Variants in RHOBTB1 observed in about 807,000 individuals in gnomAD.
RHOBTB1 encodes the protein Rho related BTB domain containing 1.
Under a neutral mutation model 71.6 loss-of-function variants are expected in RHOBTB1, and 40 were observed. The observed-to-expected ratio is 0.56, with a 90% CI of 0.43 to 0.73. RHOBTB1 has a LOEUF of 0.73. RHOBTB1 is among the 30% of genes least tolerant of loss of function. The pLI is 0.00. For synonymous variants in RHOBTB1, 319 were observed against 334.9 expected, an observed-to-expected ratio of 0.95 and a Z score of 0.52; for missense variants, 797 against 894.0, an observed-to-expected ratio of 0.89 and a Z score of 1.38.
rs1260508766 is a variant in RHOBTB1 at position 60,884,989 on chromosome 10, G to C, written c.1575+1123C>G. ...GGTGGAGTACAGTGGCACAATCATA[G>C]CTCACTGTAGCTTTGAACTCCTGGG... On this transcript the variant is annotated intron_variant, in intron 7 of 10. Transcript: ENST00000337910. Among the ~76,000 whole-genome samples, 21 of 151,988 alleles carry C rather than the reference G, an allele frequency of 1.4e-4. No homozygotes were observed. The East Asian group carries it at 4.1e-3, about 30-fold the overall frequency.
chr10:60,879,060 G>A (rs1175623512), intron 7 of RHOBTB1, among the ~76,000 whole-genome samples: 6 of 152,198 alleles, frequency 3.9e-5, no homozygotes, highest in Admixed American at 1.3e-4. Flanking sequence ...GCCCTAGAGA[G>A]AAGGGACTTA....
chr10:60,972,231 A>G (rs1248863738), intron 2 of RHOBTB1, among the ~76,000 whole-genome samples: 1 of 152,078 alleles, frequency 6.6e-6, no homozygotes, highest in African/African-American at 2.4e-5. Context: ...TATAGACACA[A>G]GCACATGTAT....
intron 4 of RHOBTB1, among the ~76,000 whole-genome samples, chr10:60,902,464 C>G (rs2082456655): frequency 1.3e-5 from 2 of 152,098 alleles, no homozygotes; most frequent in South Asian, 4.1e-4. Flanking sequence ...TTATAAAGAT[C>G]TTGAAAATGA....
chr10:60,874,177 C>T (rs747813521), intron 9 of RHOBTB1, among the ~76,000 whole-genome samples: 2 of 152,140 alleles, frequency 1.3e-5, no homozygotes, highest in Non-Finnish European at 2.9e-5. Context: ...CCCAACAGGC[C>T]GAAGAAAAGA....
intron 4 of RHOBTB1, among the ~76,000 whole-genome samples, chr10:60,902,863 T>C (rs2082476001): frequency 6.6e-6 from 1 of 152,178 alleles, no homozygotes; most frequent in African/African-American, 2.4e-5. Flanking sequence ...ACATGAGAGA[T>C]TTGTCAACTC....
chr10:60,867,579 G>A (rs1037709510), downstream of RHOBTB1, among the ~76,000 whole-genome samples: 19 of 152,304 alleles, frequency 1.2e-4, no homozygotes, highest in Non-Finnish European at 2.8e-4. Flanking sequence ...CTGCATGATC[G>A]CTTGGTTTCC....
intron 2 of RHOBTB1, among the ~76,000 whole-genome samples, chr10:60,982,563 T>G (rs1296654160): frequency 3.5e-4 from 53 of 152,098 alleles, no homozygotes; most frequent in Admixed American, 3.5e-3. Flanking sequence ...ATCCTTGGCC[T>G]CCCTAGATAC....
chr10:60,900,982 T>A (rs1021165674), intron 4 of RHOBTB1, among the ~76,000 whole-genome samples: 9 of 152,184 alleles, frequency 5.9e-5, no homozygotes, highest in African/African-American at 1.7e-4. Context: ...AATTAGATTA[T>A]CTCCAGAAGC....
At chr10:60,903,902 G>C (rs1325902147) in intron 4 of RHOBTB1, among the ~76,000 whole-genome samples, 1 of 151,972 alleles carries the variant, frequency 6.6e-6, no homozygotes, top group Non-Finnish European at 1.5e-5. Flanking sequence ...AACATATATA[G>C]TCTAACACAC....
chr10:60,912,131 A>G (rs755549950), intron 2 of RHOBTB1, among the ~76,000 whole-genome samples: 6 of 152,200 alleles, frequency 3.9e-5, no homozygotes, highest in Non-Finnish European at 8.8e-5. Flanking sequence ...TGCTAAGTCT[A>G]AATTTAATCA....
chr10:60,976,306 C>A (rs1215479838), intron 2 of RHOBTB1, among the ~76,000 whole-genome samples: 1 of 151,428 alleles, frequency 6.6e-6, no homozygotes, highest in East Asian at 1.9e-4. Context: ...CTCCTTTTGA[C>A]TATATGTATA....
chr10:60,995,194 T>A (rs1428194785), intron 1 of RHOBTB1, among the ~76,000 whole-genome samples: 1 of 152,140 alleles, frequency 6.6e-6, no homozygotes, highest in Admixed American at 6.5e-5. Context: ...GTCACAAAAT[T>A]CCATGCTGGG....
intron 2 of RHOBTB1, among the ~76,000 whole-genome samples, chr10:60,919,753 G>A (rs1481452685): frequency 6.6e-5 from 10 of 152,124 alleles, no homozygotes; most frequent in Admixed American, 4.6e-4. Flanking sequence ...TACTACATCC[G>A]CTCATGATTC....
chr10:60,921,237 C>T (rs143889401), intron 2 of RHOBTB1, among the ~76,000 whole-genome samples: 2 of 152,262 alleles, frequency 1.3e-5, no homozygotes, highest in East Asian at 1.9e-4. Context: ...CATGAGCCAC[C>T]ATGCCTGATC....
At chr10:60,912,932 G>C (rs973372372) in intron 2 of RHOBTB1, 1 of 152,244 alleles carries the variant, frequency 6.6e-6, no homozygotes, top group Non-Finnish European at 1.5e-5. Context: ...AGCAATGGAA[G>C]TCCATTGTTA....
intron 2 of RHOBTB1, among the ~76,000 whole-genome samples, chr10:60,962,501 T>C (rs1372788462): frequency 4.6e-5 from 7 of 152,162 alleles, no homozygotes; most frequent in African/African-American, 1.7e-4. Context: ...ATGTATAAAG[T>C]ATGCTCTTTA....
At chr10:60,864,588 A>C (rs528446812), downstream of RHOBTB1, among the ~76,000 whole-genome samples, 10 of 152,300 alleles carry the variant, frequency 6.6e-5, no homozygotes, top group Admixed American at 1.3e-4. Flanking sequence ...GCTGAGGAGA[A>C]AGTTCACATT....
chr10:60,949,689 T>TAA lies in RHOBTB1; in HGVS notation c.-61-7837_-61-7836dup, dbSNP rs1303184980. Among the ~76,000 whole-genome samples the TAA allele has an allele frequency of 2.4e-4, 32 of 136,090 alleles. No individual in the cohort carries two copies. In the East Asian group the frequency reaches 3.9e-3, roughly 17 times the overall value. The allele number at this position is 136,090 out of a possible 152,430, so 89.3% of individuals were successfully genotyped here. A position where few individuals can be genotyped will look rare whatever the true frequency, so the allele number is the denominator to read the frequency against. On this transcript the variant is annotated intron_variant, in intron 2 of 11. Coordinates refer to the RHOBTB1 transcript ENST00000357917. ...CTTTTTTTTTTTTTTTTTTTTTTTT[T>TAA]AAAGCATAACTTTGGAAACAAATTT...
chr10:60,914,201 G>T lies in RHOBTB1; in HGVS notation c.-10-2649C>A, dbSNP rs566479444. ...AGACAGAAAAAGTTTTGGGTGTGGA[G>T]GGGGCAGGGAGGAGGTCACAGTTAA... On this transcript the variant is annotated intron_variant, in intron 2 of 10. Coordinates refer to ENST00000337910, the MANE Select transcript of RHOBTB1 (RefSeq NM_014836.5). Among the ~76,000 whole-genome samples, 3 of 152,328 alleles carry T rather than the reference G, an allele frequency of 2.0e-5. No homozygotes were observed. In the East Asian group the frequency reaches 5.8e-4, roughly 29 times the overall value.
Sources: gnomAD v4.1 joint callset for allele counts (sites outside exome capture counted in the v4.1 genomes callset) on GRCh38, gnomAD v4.1.1 for gene constraint, MANE v1.5 for transcripts, NCBI Gene and HGNC (gene_info 2026-07-23, HGNC 2026-07-21) for gene names.